Variants in DDX3X observed in about 807,000 individuals in gnomAD.
DDX3X encodes DEAD-box helicase 3 X-linked.
DDX3X carries 4 observed loss-of-function variants against 52.7 expected under a neutral mutation model. The observed-to-expected ratio is 0.08, with a 90% confidence interval of 0.04 to 0.17. The LOEUF (loss-of-function observed/expected upper bound fraction) is 0.17. Ranked by LOEUF, DDX3X falls within the 10% of genes least tolerant of loss-of-function variation. The pLI is 1.00. For synonymous variants in DDX3X, 192 were observed against 178.1 expected (o/e 1.08, Z -0.62); for missense variants, 222 against 548.6 (o/e 0.40, Z 5.95).
rs1057519446 is a variant in DDX3X at position 41,342,572 on chromosome X, G to C, written c.362G>C (p.Arg121Pro). Residue 121 changes from arginine to proline, a missense_variant, in exon 5 of 17, where the codon CGT becomes CCT. Physicochemically the swap from Arg to Pro is moderately radical, Grantham distance 103 (BLOSUM62 -2). Around this residue, in one of 5 missense-constraint regions of DDX3X, gnomAD observed 93 missense variants for 123.7 expected, o/e 0.75. Transcript: ENST00000644876. ...GDRSGFGKFE[R>P]GGNSRWCDKS... is the part of the protein sequence containing the mutation. ...AGAAGTGGCTTTGGCAAATTTGAAC[G>C]TGGTGGAAACAGTCGCTGGTGTGAC... The C allele has an allele frequency of 8.3e-7, 1 of 1,211,944 alleles. No individual in the cohort carries two copies. Among genetic ancestry groups the C allele is most frequent in the Non-Finnish European group, 1.1e-6 (1 of 895,471 alleles).
intron 1 of DDX3X, chrX:41,334,549 C>T: frequency 9.2e-7 from 1 of 1,092,706 alleles, no homozygotes; most frequent in Non-Finnish European, 1.2e-6. Flanking sequence ...CGTGCGCAGG[C>T]GGGCGGAGGG....
At chrX:41,341,106 C>G (rs970829799) in intron 3 of DDX3X, 11 of 167,402 alleles carry the variant, frequency 6.6e-5, no homozygotes, top group Admixed American at 2.4e-4. Flanking sequence ...CTGCCTCAGC[C>G]TCCTGAGTAG....
In DDX3X at chrX:41,349,837, A is replaced by G. The variant is rs1270808165; in HGVS notation, c.*2118A>G. The G allele has an allele frequency of 3.0e-4, 33 of 111,222 alleles. No individual in the cohort carries two copies. The highest frequency in any genetic ancestry group is 9.5e-4 in the African/African-American group (29 of 30,582). The allele number at this position is 111,222 out of a possible 1,213,427, so 9.2% of individuals were successfully genotyped here. ...CTTAAGATATTAATGAAACACTTCA[A>G]AACACTGATGTGAAGTGTCCAGATT... On this transcript the variant is annotated 3_prime_UTR_variant, in exon 17 of 17. Coordinates refer to ENST00000644876, the MANE Select transcript of DDX3X (RefSeq NM_001356.5).
intron 2 of DDX3X, chrX:41,338,123 A>T (rs2063797452): frequency 9.1e-6 from 1 of 110,439 alleles, no homozygotes; most frequent in Non-Finnish European, 1.9e-5. Context: ...AAGGGGGGTT[A>T]TTTAGAGACT....
Position 41,346,627 on chromosome X carries a change from G to A in DDX3X, c.1615+5G>A. The A allele has an allele frequency of 8.7e-7, 1 of 1,155,520 alleles. No individual in the cohort carries two copies. The highest frequency in any genetic ancestry group is 1.9e-5 in the South Asian group (1 of 53,390). On this transcript the variant is annotated splice_donor_5th_base_variant and intron_variant, in intron 14 of 16. Coordinates refer to ENST00000644876, the MANE Select transcript of DDX3X (RefSeq NM_001356.5). Reference sequence around the variant, plus strand: ...CGGGACGTGTAGGAAACCTTGGTAAGTATTTGATTACTTGATGGTTTCATT... The same window carrying A: ...CGGGACGTGTAGGAAACCTTGGTAAATATTTGATTACTTGATGGTTTCATT...
chrX:41,350,314 T>A (rs1418943289), downstream of DDX3X: 1 of 112,587 alleles, frequency 8.9e-6, no homozygotes, highest in Non-Finnish European at 1.9e-5. Context: ...CAGTGCTATT[T>A]TTTGAGATGC....
At chrX:41,342,951 T>A in intron 6 of DDX3X, 115 bp downstream of exon 6, 1 of 653,498 alleles carries the variant, frequency 1.5e-6, no homozygotes, top group Non-Finnish European at 2.4e-6. Flanking sequence ...CATAGATTTG[T>A]GGAAAAGGAG....
rs758300511 is a variant in DDX3X at position 41,346,311 on chromosome X, C to T, written c.1398C>T (p.Tyr466=). ...SLEDFLYHEG[Y]ACTSIHGDRS... ...AGGATTTCTTATACCATGAAGGATA[C>T]GCATGTACCAGCATCCATGGAGACC... The change falls in exon 13 of 17, where the codon TAC becomes TAT. Residue 466 remains tyrosine, a synonymous_variant. Transcript: ENST00000644876. 14 of 1,209,008 alleles carry T rather than the reference C, an allele frequency of 1.2e-5. No homozygotes were observed. The highest frequency in any genetic ancestry group is 3.0e-5 in the East Asian group (1 of 33,815).
chrX:41,336,782 A>C (rs2063776918), intron 1 of DDX3X: 1 of 112,157 alleles, frequency 8.9e-6, no homozygotes, highest in Admixed American at 9.5e-5. Context: ...CAAACTACTT[A>C]AGAGTTGTGC....
intron 5 of DDX3X, among the ~76,000 whole-genome samples, chrX:41,356,101 A>C (rs1435694585): frequency 9.2e-6 from 1 of 108,824 alleles, no homozygotes; most frequent in African/African-American, 3.4e-5. Flanking sequence ...AATTGTTCTT[A>C]AACATTTAAA....
intron 5 of DDX3X, among the ~76,000 whole-genome samples, chrX:41,361,420 G>A (rs971640077): frequency 1.8e-5 from 2 of 110,787 alleles, no homozygotes; most frequent in African/African-American, 6.6e-5. Flanking sequence ...GCTGAGGCAG[G>A]AGAATCACTT....
At chrX:41,334,385 CCTTA>C (rs1191616289) in intron 1 of DDX3X, 88 bp downstream of exon 1, 2 of 1,150,958 alleles carry the variant, frequency 1.7e-6, no homozygotes, top group Non-Finnish European at 2.3e-6. Context: ...TAACCGGCAC[CCTTA>C]CTTTTCATTT....
At chrX:41,339,680 G>A (rs986888471) in intron 3 of DDX3X, 4 of 111,383 alleles carry the variant, frequency 3.6e-5, no homozygotes, top group African/African-American at 1.3e-4. Context: ...TTTATATTCT[G>A]TAAAATAGAC....
chrX:41,336,067 T>C (rs1458847908), intron 1 of DDX3X: 1 of 112,248 alleles, frequency 8.9e-6, no homozygotes, highest in Non-Finnish European at 1.9e-5. Context: ...TTTAAAAGTA[T>C]AGCATCTGCT....
At chrX:41,346,457 A>G in intron 13 of DDX3X, 47 bp downstream of exon 13, 1 of 1,194,720 alleles carries the variant, frequency 8.4e-7, no homozygotes, top group Non-Finnish European at 1.1e-6. Context: ...ATGTTCAAGT[A>G]TTTGTTTTCT....
chrX:41,345,570 T>C, intron 12 of DDX3X, 22 bp downstream of exon 12: 2 of 1,170,885 alleles, frequency 1.7e-6, no homozygotes, highest in Non-Finnish European at 1.2e-6. Context: ...AATTTTTTAT[T>C]TTATTAGACA....
rs1279138304 is a variant in DDX3X, at chrX:41,342,438, T to C, written c.285-57T>C. ...TCCAGATACAGTTCTAGAGTAGGGA[T>C]AAGAATCTGATAATGGTTAAATGAT... On this transcript the variant is annotated intron_variant, in intron 4 of 16. Transcript: ENST00000644876. 7 of 1,171,525 alleles carry C rather than the reference T, an allele frequency of 6.0e-6. No homozygotes were observed. In the African/African-American group the frequency reaches 1.2e-4, roughly 21 times the overall value.
chrX:41,344,537 A>G, intron 10 of DDX3X, 138 bp downstream of exon 10: 1 of 713,015 alleles, frequency 1.4e-6, no homozygotes, highest in Non-Finnish European at 2.2e-6. Context: ...TCCCGGGTTC[A>G]AGCGATTCTC....
chrX:41,352,613 T>C (rs185217121), downstream of DDX3X, among the ~76,000 whole-genome samples: 142 of 111,528 alleles, frequency 1.3e-3, no homozygotes, highest in Non-Finnish European at 2.1e-3. Flanking sequence ...TAGTGATTAA[T>C]TTAGATTAGT....
Sources: allele counts gnomAD v4.1 joint callset (sites outside exome capture counted in the v4.1 genomes callset), GRCh38; gene constraint gnomAD v4.1.1; regional missense constraint gnomAD v4.1.1; transcripts MANE v1.5; gene names NCBI Gene and HGNC (gene_info 2026-07-23, HGNC 2026-07-21).